TRAPPC9: variants seen among roughly 807,000 people sequenced by gnomAD.
TRAPPC9 encodes trafficking protein particle complex subunit 9.
Under a neutral mutation model 124.0 loss-of-function variants are expected in TRAPPC9, and 83 were observed. The observed-to-expected ratio is 0.67, with a 90% confidence interval of 0.56 to 0.80. The LOEUF (loss-of-function observed/expected upper bound fraction) is 0.80, where lower values mean the gene tolerates loss of function less well. Ranked by LOEUF, TRAPPC9 falls within the 30% of genes least tolerant of loss-of-function variation. TRAPPC9 has a pLI of 0.00. For synonymous variants in TRAPPC9, 638 were observed against 617.5 expected, an observed-to-expected ratio of 1.03 and a Z score of -0.49; for missense variants, 1,302 against 1,508.3, an observed-to-expected ratio of 0.86 and a Z score of 2.27.
chr8:140,171,790 C>T (rs377512359), intron 17 of TRAPPC9, among the ~76,000 whole-genome samples: 8 of 152,142 alleles, frequency 5.3e-5, no homozygotes, highest in South Asian at 2.1e-4. Context: ...CAGTGCCATG[C>T]TAATATTTAT....
At chr8:140,060,563 C>T (rs1302338301) in intron 17 of TRAPPC9, among the ~76,000 whole-genome samples, 4 of 151,782 alleles carry the variant, frequency 2.6e-5, no homozygotes, top group Admixed American at 6.6e-5. Context: ...CTTATCCGTC[C>T]CAACCCAGCC....
At chr8:140,013,543 A>T (rs1032087789) in intron 18 of TRAPPC9, among the ~76,000 whole-genome samples, 3 of 152,206 alleles carry the variant, frequency 2.0e-5, no homozygotes, top group Non-Finnish European at 4.4e-5. Flanking sequence ...AAAGAGTCAC[A>T]GAGTGGCTGC....
chr8:139,921,311 G>A (rs917829209), intron 19 of TRAPPC9, among the ~76,000 whole-genome samples: 4 of 152,198 alleles, frequency 2.6e-5, no homozygotes, highest in Non-Finnish European at 4.4e-5. Flanking sequence ...ACTGGGTTTG[G>A]TTCAGCAGTG....
rs2060633876 is a variant in TRAPPC9, at chr8:140,104,723, C to T, written c.2557-80644G>A. Reference sequence around the variant, plus strand: ...ATTCCCCCAGCCCAGGCACCAGGCCCGGACCAGCTGTAGTTACCCAGCTAA... The same window carrying T: ...ATTCCCCCAGCCCAGGCACCAGGCCTGGACCAGCTGTAGTTACCCAGCTAA... On this transcript the variant is annotated intron_variant, in intron 17 of 22. Coordinates refer to ENST00000438773, the MANE Select transcript of TRAPPC9 (RefSeq NM_001160372.4). This position sits in a 1 kb window ranked among gnomAD's most constrained non-coding sequence, Gnocchi z 4.0. Among the ~76,000 whole-genome samples the T allele has an allele frequency of 6.6e-6, 1 of 152,168 alleles. No individual in the cohort carries two copies. The highest frequency in any genetic ancestry group is 1.5e-5 in the Non-Finnish European group (1 of 68,014).
Position 140,439,076 on chromosome 8 carries a change from C to T in TRAPPC9, c.706G>A (p.Val236Met). The T allele has an allele frequency of 4.3e-6, 7 of 1,614,210 alleles. No individual in the cohort carries two copies. The highest frequency in any genetic ancestry group is 5.9e-6 in the Non-Finnish European group (7 of 1,180,032). Residue 236 changes from valine (V) to methionine (M), a missense_variant, in exon 3 of 23, where the codon GTG (valine) becomes ATG (methionine). Val to Met is a conservative substitution (Grantham distance 21). Transcript: ENST00000438773. ...CCTCCAAGCCACAGAAAGTCATTCA[C>T]AGAACGCAGCAGCTCCACCGACATG... is the stretch of plus-strand genomic sequence containing the variant. ...YHMSVELLRS[V>M]NDFLWLGAAL...
intron 21 of TRAPPC9, among the ~76,000 whole-genome samples, chr8:139,804,560 G>C (rs998730750): frequency 1.6e-5 from 1 of 62,148 alleles, no homozygotes; most frequent in Non-Finnish European, 3.1e-5. Context: ...CCGCCACCAA[G>C]CACCACCGCC....
intron 9 of TRAPPC9, among the ~76,000 whole-genome samples, chr8:140,327,785 C>T (rs537274082): frequency 1.9e-4 from 29 of 152,190 alleles, no homozygotes; most frequent in African/African-American, 6.3e-4. Flanking sequence ...TTGTGTAATG[C>T]GTACAGAGAT....
chr8:139,763,509 G>A (rs1820372933), intron 21 of TRAPPC9, among the ~76,000 whole-genome samples: 1 of 146,642 alleles, frequency 6.8e-6, no homozygotes, highest in Non-Finnish European at 1.5e-5. Context: ...CCACGTGCTA[G>A]GCACTGTGCC....
At chr8:140,089,147 C>A (rs541213566) in intron 17 of TRAPPC9, among the ~76,000 whole-genome samples, 1 of 152,336 alleles carries the variant, frequency 6.6e-6, no homozygotes, top group East Asian at 1.9e-4. Context: ...GTGGGCTGTA[C>A]AAGTTTCTCC....
At chr8:140,000,162 G>A (rs987884722) in intron 18 of TRAPPC9, among the ~76,000 whole-genome samples, 5 of 152,126 alleles carry the variant, frequency 3.3e-5, no homozygotes, top group African/African-American at 1.2e-4. Flanking sequence ...GTGGTGCTGG[G>A]AAAACTGGCT....
At chr8:140,098,284 C>G (rs1304817845) in intron 17 of TRAPPC9, 1 of 152,220 alleles carries the variant, frequency 6.6e-6, no homozygotes, top group Non-Finnish European at 1.5e-5. Flanking sequence ...CCACCCAGAT[C>G]CTCCGCAGCC....
intron 17 of TRAPPC9, among the ~76,000 whole-genome samples, chr8:140,179,170 C>T (rs1396866199): frequency 6.6e-6 from 1 of 152,124 alleles, no homozygotes; most frequent in African/African-American, 2.4e-5. Flanking sequence ...GAACATAGCT[C>T]ATGAATTGAA....
chr8:140,403,863 G>A (rs1463640800), intron 6 of TRAPPC9, among the ~76,000 whole-genome samples: 1 of 151,922 alleles, frequency 6.6e-6, no homozygotes. Flanking sequence ...TCACCATGTT[G>A]CCCGGGGTGG....
intron 17 of TRAPPC9, chr8:140,215,997 C>G (rs902821410): frequency 6.6e-6 from 1 of 152,180 alleles, no homozygotes; most frequent in Non-Finnish European, 1.5e-5. Flanking sequence ...GCATCAAAGG[C>G]CTCGAGTGCA....
chr8:140,220,440 C>CAAA (rs1230431434), intron 17 of TRAPPC9, among the ~76,000 whole-genome samples: 1 of 152,182 alleles, frequency 6.6e-6, no homozygotes, highest in Non-Finnish European at 1.5e-5. Context: ...AGCTGCCGTG[C>CAAA]AAACAGAAGC....
At chr8:140,299,211 T>C (rs148792829) in intron 11 of TRAPPC9, among the ~76,000 whole-genome samples, 72 of 152,262 alleles carry the variant, frequency 4.7e-4, no homozygotes, top group African/African-American at 1.6e-3. Context: ...CCTGTTTCTT[T>C]CCACGACCAG....
intron 11 of TRAPPC9, among the ~76,000 whole-genome samples, chr8:140,294,030 A>G (rs1194137135): frequency 6.6e-6 from 1 of 152,114 alleles, no homozygotes; most frequent in African/African-American, 2.4e-5. Flanking sequence ...TGCCCGTTCT[A>G]CAAAAAAGGA....
intron 17 of TRAPPC9, among the ~76,000 whole-genome samples, chr8:140,167,097 C>G (rs1364566152): frequency 6.6e-6 from 1 of 151,646 alleles, no homozygotes; most frequent in African/African-American, 2.4e-5. Context: ...CACAATGGTA[C>G]CAGGTCACAC....
At chr8:140,419,936 A>C (rs780967512) in intron 5 of TRAPPC9, among the ~76,000 whole-genome samples, 8 of 152,146 alleles carry the variant, frequency 5.3e-5, no homozygotes, top group Admixed American at 1.3e-4. Context: ...AGATGACATG[A>C]TCCTGCCTCT....
Sources: gnomAD v4.1 joint callset for allele counts (sites outside exome capture counted in the v4.1 genomes callset) on GRCh38, gnomAD v4.1.1 for gene constraint, Gnocchi (gnomAD v3.1) non-coding constraint, MANE v1.5 for transcripts, NCBI Gene and HGNC (gene_info 2026-07-23, HGNC 2026-07-21) for gene names.